LACTB2: variants seen among roughly 807,000 people sequenced by gnomAD.
LACTB2 encodes endoribonuclease LACTB2.
LACTB2 carries 32 observed loss-of-function variants against 34.8 expected under a neutral mutation model. That is an observed-to-expected ratio of 0.92 (90% confidence interval 0.69 to 1.24). LACTB2 has a LOEUF of 1.24. LACTB2 is among the 50% of genes most tolerant of loss of function. The pLI is 0.00. For missense variants in LACTB2, 320 were observed against 345.0 expected (o/e 0.93, Z 0.57); for synonymous variants, 120 against 117.5 (o/e 1.02, Z -0.14).
At chr8:70,668,182 A>T (rs184097372) in intron 1 of LACTB2, among the ~76,000 whole-genome samples, 3 of 152,218 alleles carry the variant, frequency 2.0e-5, no homozygotes, top group African/African-American at 7.2e-5. Flanking sequence ...CGTTTTTAGT[A>T]ATCAATTATA....
chr8:70,653,202 A>G (rs116111830), intron 3 of LACTB2, among the ~76,000 whole-genome samples: 2,522 of 152,208 alleles, frequency 0.017, 54 homozygotes, highest in African/African-American at 0.057. Flanking sequence ...CTCTGCCCTC[A>G]CAGGCTCAAA....
chr8:70,668,660 T>C, intron 1 of LACTB2, among the ~76,000 whole-genome samples: 1 of 152,110 alleles, frequency 6.6e-6, no homozygotes, highest in East Asian at 1.9e-4. Context: ...TTTCTTGGAC[T>C]CTTGACATCC....
In LACTB2 at chr8:70,644,090, T is replaced by A; in HGVS notation, c.567A>T (p.Lys189Asn). 6.3e-7 allele frequency: 1 copy of A among 1,580,572 alleles called. No homozygotes were observed. The highest frequency in any genetic ancestry group is 8.6e-7 in the Non-Finnish European group (1 of 1,167,052). The change falls in exon 4 of 7, where the codon AAA becomes AAT. Residue 189 changes from lysine (K) to asparagine (N), a missense_variant. Coordinates refer to ENST00000276590, the MANE Select transcript of LACTB2 (RefSeq NM_016027.3). ...DYMNSLKELL[K>N]IKADIIYPGH... ...CTGGATATATAATATCAGCTTTGATTTTCAATAACTCTTTTAAAGAGTTCA... is the reference window on the plus strand; with the variant it reads ...CTGGATATATAATATCAGCTTTGATATTCAATAACTCTTTTAAAGAGTTCA...
At chr8:70,640,773 G>C in intron 5 of LACTB2, 129 bp downstream of exon 5, 1 of 1,098,810 alleles carries the variant, frequency 9.1e-7, no homozygotes. Flanking sequence ...AGTTTAGGCT[G>C]CTGGTCTCAA....
intron 6 of LACTB2, 28 bp downstream of exon 6, chr8:70,638,520 A>G: frequency 6.6e-7 from 1 of 1,521,306 alleles, no homozygotes; most frequent in Non-Finnish European, 8.8e-7. Flanking sequence ...AATGCTGGTA[A>G]TAGAAGAAAA....
chr8:70,649,487 G>T (rs544244325), intron 3 of LACTB2, among the ~76,000 whole-genome samples: 2 of 152,150 alleles, frequency 1.3e-5, no homozygotes, highest in Admixed American at 6.6e-5. Flanking sequence ...ACTAACTGCA[G>T]GAAAGCAGGA....
chr8:70,668,819 A>AT (rs1174713875), intron 1 of LACTB2, among the ~76,000 whole-genome samples, 180 bp downstream of exon 1: 18 of 138,676 alleles, frequency 1.3e-4, no homozygotes, highest in African/African-American at 4.5e-4. Context: ...GGGTGGTCGT[A>AT]TTTTAGCTAG....
Position 70,655,917 on chromosome 8 carries a change from A to G in LACTB2, c.413+1839T>C, listed in dbSNP as rs536094182. On this transcript the variant is annotated intron_variant, in intron 3 of 6. Coordinates refer to ENST00000276590, the MANE Select transcript of LACTB2 (RefSeq NM_016027.3). ...TCTTGCAGGAGTAAGGTGGTATTGC[A>G]TTGCGGTTTTGATTTGTATTTCCCT... is the stretch of plus-strand genomic sequence containing the variant. 2.0e-5 allele frequency among the ~76,000 whole-genome samples: 3 copies of G among 152,192 alleles called. No homozygotes were observed. The South Asian group carries it at 6.2e-4, about 32-fold the overall frequency.
intron 2 of LACTB2, among the ~76,000 whole-genome samples, chr8:70,659,778 G>C (rs964170032): frequency 6.6e-6 from 1 of 152,260 alleles, no homozygotes; most frequent in African/African-American, 2.4e-5. Flanking sequence ...TCAAAATTAT[G>C]TGCAAATATA....
At position 70,640,920 on chromosome 8, in the gene LACTB2, A is replaced by G; in HGVS notation, c.723T>C (p.Leu241=). 6.3e-7 allele frequency: 1 copy of G among 1,576,714 alleles called. No homozygotes were observed. Residue 241 remains leucine, a synonymous_variant, in exon 5 of 7, where the codon CTT becomes CTC. Transcript: ENST00000276590. ...NFEKSFTVME[L]VKIIYKNTPE... ...AAATTACCTTGTAAATAATTTTTAC[A>G]AGCTCCATTACTGTAAATGATTTCT...
chr8:70,657,785 AT>A lies in LACTB2; in HGVS notation c.383del (p.Asp128ValfsTer2). On this transcript the variant is annotated frameshift_variant, in exon 3 of 7. Coordinates refer to ENST00000276590, the MANE Select transcript of LACTB2 (RefSeq NM_016027.3). LOFTEE classifies it high-confidence loss of function. ...EQQYVYLKDGDVIKTEGATLR... is the reference protein window; with the variant it reads ...EQQYVYLKDGXVIKTEGATLR... ...GAGTGGCTCCCTCAGTCTTAATCAC[AT>A]CTCCATCTTTCAGATAAACATATTG... 6.2e-7 allele frequency: 1 copy of A among 1,612,990 alleles called. No individual in the cohort carries two copies. Among genetic ancestry groups the A allele is most frequent in the Non-Finnish European group, 8.5e-7 (1 of 1,179,296 alleles).
intron 3 of LACTB2, chr8:70,652,740 T>A (rs1818358423): frequency 6.6e-6 from 1 of 152,212 alleles, no homozygotes; most frequent in South Asian, 2.1e-4. Flanking sequence ...ATTCATGACT[T>A]TGTACATTTA....
chr8:70,657,316 T>C (rs951785643), intron 3 of LACTB2, among the ~76,000 whole-genome samples: 2 of 152,196 alleles, frequency 1.3e-5, no homozygotes, highest in Non-Finnish European at 2.9e-5. Flanking sequence ...TCTTTTCTCA[T>C]TTCTCAAGCA....
intron 3 of LACTB2, chr8:70,654,937 A>C (rs987316722): frequency 2.6e-5 from 4 of 152,190 alleles, no homozygotes; most frequent in African/African-American, 9.7e-5. Context: ...ATCTGGTTAC[A>C]TAAGTCCTTT....
chr8:70,640,492 C>G (rs1366944216), intron 5 of LACTB2: 2 of 152,582 alleles, frequency 1.3e-5, no homozygotes, highest in East Asian at 3.8e-4. Context: ...CTTCTCACTG[C>G]TTTGCTACTA....
intron 3 of LACTB2, among the ~76,000 whole-genome samples, chr8:70,644,889 C>G (rs1818242561): frequency 6.6e-6 from 1 of 152,026 alleles, no homozygotes; most frequent in African/African-American, 2.4e-5. Context: ...ATTTCTATTC[C>G]TCAGAGGGAG....
intron 3 of LACTB2, among the ~76,000 whole-genome samples, chr8:70,650,735 CAAAAAAAAAAAAAAAAA>C (rs61025700): frequency 4.3e-5 from 2 of 46,206 alleles, no homozygotes; most frequent in African/African-American, 1.8e-4. Context: ...GACTCCATCT[CAAAAAAAAAAAAAAAAA>C]AAAAAAGAAA....
chr8:70,641,028 A>T lies in LACTB2; in HGVS notation c.615T>A (p.Asn205Lys). The T allele has an allele frequency of 1.2e-6, 2 of 1,603,162 alleles. No individual in the cohort carries two copies. Among genetic ancestry groups the T allele is most frequent in the Non-Finnish European group, 1.7e-6 (2 of 1,177,072 alleles). The change falls in exon 5 of 7, where the codon AAT (asparagine) becomes AAA (lysine). Residue 205 changes from asparagine to lysine, a missense_variant. By Grantham distance (94) the Asn-to-Lys change is moderately conservative. Coordinates refer to ENST00000276590, the MANE Select transcript of LACTB2 (RefSeq NM_016027.3). ...IYPGHGPVIH[N>K]AEAKIQQYIS... ...TGTATTGTTGAATTTTAGCTTCAGC[A>T]TTATGAATTACTGGGCCATGTCCTG... is the stretch of plus-strand genomic sequence containing the variant.
At chr8:70,641,259 AC>A (rs1217375706) in intron 4 of LACTB2, among the ~76,000 whole-genome samples, 9 of 152,338 alleles carry the variant, frequency 5.9e-5, no homozygotes, top group African/African-American at 1.9e-4. Flanking sequence ...TATAGCAAAT[AC>A]AATCTATAGA....
Sources: allele counts gnomAD v4.1 joint callset (sites outside exome capture counted in the v4.1 genomes callset), GRCh38; gene constraint gnomAD v4.1.1; transcripts MANE v1.5; gene names NCBI Gene and HGNC (gene_info 2026-07-23, HGNC 2026-07-21).